The following SLC19A3 variants were observed in gnomAD, a reference collection of about 807,000 sequenced individuals.
The protein encoded by SLC19A3 is solute carrier family 19 member 3, also known as thiamine transporter 2.
A neutral mutation model predicts 40.2 loss-of-function variants in SLC19A3; 31 were observed. The ratio of observed to expected loss-of-function variants is 0.77; its 90% CI spans 0.58 to 1.04. The LOEUF is 1.04. Ranked by LOEUF, SLC19A3 falls within the 50% of genes least tolerant of loss-of-function variation. SLC19A3 has a pLI of 0.00. For missense variants in SLC19A3, 592 were observed against 596.7 expected (o/e 0.99, Z 0.08); for synonymous variants, 212 against 227.5 (o/e 0.93, Z 0.61).
intron 3 of SLC19A3, among the ~76,000 whole-genome samples, chr2:227,697,901 C>A (rs770869821): frequency 2.6e-5 from 4 of 151,806 alleles, no homozygotes; most frequent in Non-Finnish European, 5.9e-5. Flanking sequence ...CATGGTGAAA[C>A]CCCGTCTCTA....
In SLC19A3 at chr2:227,684,719, A is replaced by C. The variant is rs1387656728; in HGVS notation, c.*2678T>G. ...TAATAGACTGGGTGTGAGGTGGCTG[A>C]AGCCTGTAATCCCAACACTTTGGGA... On this transcript the variant is annotated 3_prime_UTR_variant, in exon 6 of 6. Transcript: ENST00000644224. 2 of 152,142 alleles carry C rather than the reference A, an allele frequency of 1.3e-5. No homozygotes were observed. The highest frequency in any genetic ancestry group is 4.8e-5 in the African/African-American group (2 of 41,434). The allele number at this position is 152,142 out of a possible 1,614,324, so 9.4% of individuals were successfully genotyped here. A position where few individuals can be genotyped will look rare whatever the true frequency, so the allele number is the denominator to read the frequency against.
At position 227,699,340 on chromosome 2, in the gene SLC19A3, G is replaced by A. The variant is rs1405387596; in HGVS notation, c.375C>T (p.Ala125=). 2.5e-6 allele frequency: 4 copies of A among 1,614,190 alleles called. No homozygotes were observed. The East Asian group carries it at 6.7e-5, about 27-fold the overall frequency. Residue 125 remains alanine, a synonymous_variant, in exon 3 of 6, where the codon GCC becomes GCT. Coordinates refer to ENST00000644224, the MANE Select transcript of SLC19A3 (RefSeq NM_025243.4). ...CGGGGCTGACCACGCTGTATATGTA[G>A]GCGTAGTAGGCCACCTCGGCGGCGG... ...MVTAAEVAYY[A]YIYSVVSPEH...
intron 5 of SLC19A3, 140 bp downstream of exon 5, chr2:227,688,024 GGT>G (rs1182480437): frequency 1.1e-6 from 1 of 912,580 alleles, no homozygotes; most frequent in African/African-American, 1.7e-5. Context: ...AAACCTACTT[GGT>G]GTGTTATAAT....
rs78191610 is a variant in SLC19A3, at chr2:227,706,232, C to A, written c.-2-3912G>T. ...TTTGATCCCGTCATATTATCCGCCT[C>A]TAAAAAAGTGCTCTAAACGTCCCTT... On this transcript the variant is annotated intron_variant, in intron 1 of 5. Coordinates refer to ENST00000644224, the MANE Select transcript of SLC19A3 (RefSeq NM_025243.4). 4.5e-3 allele frequency: 4,462 copies of A among 998,466 alleles called. 163 individuals are homozygous for A. The African/African-American group carries it at 0.069, about 15-fold the overall frequency. The allele number at this position is 998,466 out of a possible 1,614,324, so 61.9% of individuals were successfully genotyped here. A position where few individuals can be genotyped will look rare whatever the true frequency, so the allele number is the denominator to read the frequency against.
At chr2:227,687,612 A>G (rs1403604160) in intron 5 of SLC19A3, 39 bp from the exon 6 acceptor site, 1 of 1,597,590 alleles carries the variant, frequency 6.3e-7, no homozygotes, top group Non-Finnish European at 8.6e-7. Context: ...ATAAAATATG[A>G]CCATCTATGT....
intron 4 of SLC19A3, among the ~76,000 whole-genome samples, chr2:227,690,751 C>T (rs115041609): frequency 0.076 from 10,093 of 133,212 alleles, 1,023 homozygotes; most frequent in African/African-American, 0.24. Flanking sequence ...TTTTTTTTAA[C>T]GTATGGAGCA....
intron 1 of SLC19A3, among the ~76,000 whole-genome samples, chr2:227,708,190 C>CT (rs973622359): frequency 4.0e-5 from 6 of 151,860 alleles, no homozygotes; most frequent in Non-Finnish European, 7.4e-5. Flanking sequence ...TCTTAGTTTT[C>CT]TTTTTTTTAA....
Position 227,699,307 on chromosome 2 carries a change from G to C in SLC19A3, c.408C>G (p.Tyr136Ter), listed in dbSNP as rs1695577738. ...YIYSVVSPEH[Y>*]QRVSGYCRSV... Reference sequence around the variant, plus strand: ...TCCTGCAGTAGCCGCTCACTCTCTGGTAGTGCTCGGGGCTGACCACGCTGT... The same window carrying C: ...TCCTGCAGTAGCCGCTCACTCTCTGCTAGTGCTCGGGGCTGACCACGCTGT... The change falls in exon 3 of 6, where the codon TAC (tyrosine) becomes TAG (stop). Residue 136 changes from tyrosine to a stop codon, truncating the protein, a stop_gained. Coordinates refer to ENST00000644224, the MANE Select transcript of SLC19A3 (RefSeq NM_025243.4). LOFTEE classifies it high-confidence loss of function. The C allele has an allele frequency of 6.2e-7, 1 of 1,614,052 alleles. No individual in the cohort carries two copies. The highest frequency in any genetic ancestry group is 8.5e-7 in the Non-Finnish European group (1 of 1,180,048).
rs1286427911 is a variant in SLC19A3, at chr2:227,703,158, G to A, written c.-2-838C>T. Among the ~76,000 whole-genome samples, 1 of 152,166 alleles carries A rather than the reference G, an allele frequency of 6.6e-6. No individual in the cohort carries two copies. The highest frequency in any genetic ancestry group is 6.5e-5 in the Admixed American group (1 of 15,276). On this transcript the variant is annotated intron_variant, in intron 1 of 5. Transcript: ENST00000644224. The surrounding 1 kb of genome is among the most constrained non-coding windows in gnomAD (Gnocchi z 4.7). ...GTATTAACCTAATGACAACCACAGT[G>A]AGGGAAAAAACGTGTATTTATAAAC...
At chr2:227,695,766 A>G (rs763214478) in intron 4 of SLC19A3, 123 bp downstream of exon 4, 181 of 936,910 alleles carry the variant, frequency 1.9e-4, no homozygotes, top group Non-Finnish European at 2.9e-4. Context: ...CTAATTTAAT[A>G]TAAAGCAGTC....
At chr2:227,702,395 A>T in intron 1 of SLC19A3, 75 bp from the exon 2 acceptor site, 2 of 1,057,658 alleles carry the variant, frequency 1.9e-6, no homozygotes, top group Non-Finnish European at 2.7e-6. Context: ...TGAAAACCTG[A>T]TTTTTTTTTT....
At chr2:227,701,790 T>C (rs541395935) in intron 2 of SLC19A3, 11 of 175,806 alleles carry the variant, frequency 6.3e-5, no homozygotes, top group South Asian at 5.4e-4. Context: ...ATACCACAAT[T>C]TTTTATGAGA....
intron 2 of SLC19A3, among the ~76,000 whole-genome samples, chr2:227,699,770 G>T (rs763196753): frequency 1.3e-5 from 2 of 152,090 alleles, no homozygotes; most frequent in African/African-American, 2.4e-5. Context: ...GATAAACCCC[G>T]GCAGAAAAAT....
rs566555288 is a variant in SLC19A3, at chr2:227,699,057, T to G, written c.658A>C (p.Thr220Pro). The change falls in exon 3 of 6, where the codon ACT becomes CCT. Residue 220 changes from threonine to proline, a missense_variant. Transcript: ENST00000644224. ...CAGCCTGGTGCTTCACCTTCGTGAG[T>G]TTCCTCTAATACTGGATTCACGCTT... ...SSSVNPVLEE[T>P]HEGEAPGCEE... 1 of 1,614,048 alleles carries G rather than the reference T, an allele frequency of 6.2e-7. No individual in the cohort carries two copies. The highest frequency in any genetic ancestry group is 8.5e-7 in the Non-Finnish European group (1 of 1,180,050).
At chr2:227,704,573 G>A (rs1459607073) in intron 1 of SLC19A3, among the ~76,000 whole-genome samples, 3 of 152,108 alleles carry the variant, frequency 2.0e-5, no homozygotes, top group Non-Finnish European at 4.4e-5. Context: ...CTTGGTCTCA[G>A]TTTCCTAATT....
intron 1 of SLC19A3, among the ~76,000 whole-genome samples, chr2:227,704,007 C>T (rs1447917613): frequency 2.0e-5 from 3 of 152,154 alleles, no homozygotes; most frequent in Non-Finnish European, 4.4e-5. Flanking sequence ...TAAGACATGC[C>T]CTACTAAAGT....
chr2:227,689,900 C>T (rs1259075385), intron 4 of SLC19A3, among the ~76,000 whole-genome samples: 1 of 152,072 alleles, frequency 6.6e-6, no homozygotes, highest in African/African-American at 2.4e-5. Flanking sequence ...TTTCTTTTTG[C>T]TTGTTTGTTT....
chr2:227,696,849 T>C (rs1257142264), intron 3 of SLC19A3, among the ~76,000 whole-genome samples: 1 of 152,084 alleles, frequency 6.6e-6, no homozygotes, highest in East Asian at 1.9e-4. Context: ...GTGGATCACT[T>C]GAGGTCAGGA....
At position 227,706,512 on chromosome 2, in the gene SLC19A3, T is replaced by G. The variant is rs557854767; in HGVS notation, c.-2-4192A>C. 4 of 1,201,034 alleles carry G rather than the reference T, an allele frequency of 3.3e-6. No individual in the cohort carries two copies. The East Asian group carries it at 1.3e-4, about 39-fold the overall frequency. 74.4% of individuals were successfully genotyped at this position (1,201,034 alleles called of 1,614,324 possible). A position where few individuals can be genotyped will look rare whatever the true frequency, so the allele number is the denominator to read the frequency against. On this transcript the variant is annotated intron_variant, in intron 1 of 5. Coordinates refer to ENST00000644224, the MANE Select transcript of SLC19A3 (RefSeq NM_025243.4). Reference sequence around the variant, plus strand: ...AAGGCTGGGTGTAGTGGCTCATGCTTGTAATCCCAGCGCTTTGGGAGGCTG... The same window carrying G: ...AAGGCTGGGTGTAGTGGCTCATGCTGGTAATCCCAGCGCTTTGGGAGGCTG...
Sources: gnomAD v4.1 joint callset for allele counts (sites outside exome capture counted in the v4.1 genomes callset) on GRCh38, gnomAD v4.1.1 for gene constraint, Gnocchi (gnomAD v3.1) non-coding constraint, MANE v1.5 for transcripts, NCBI Gene and HGNC (gene_info 2026-07-23, HGNC 2026-07-21) for gene names.